The following SPTY2D1 variants were observed in gnomAD, a reference collection of about 807,000 sequenced individuals.
SPTY2D1 encodes SPT2 chromatin protein domain containing 1.
A neutral mutation model predicts 64.0 loss-of-function variants in SPTY2D1; 21 were observed. That is an observed-to-expected ratio of 0.33 (90% CI 0.23 to 0.47). The LOEUF is 0.47. Among genes scored for constraint, SPTY2D1 ranks in the 20% least tolerant of loss-of-function variants. SPTY2D1 has a pLI of 1.00. For synonymous variants in SPTY2D1, 287 were observed against 286.8 expected (o/e 1.00, Z -0.01); for missense variants, 724 against 837.2 (o/e 0.86, Z 1.67).
intron 3 of SPTY2D1, among the ~76,000 whole-genome samples, chr11:18,614,085 A>G (rs1436090407): frequency 6.6e-6 from 1 of 152,218 alleles, no homozygotes; most frequent in Non-Finnish European, 1.5e-5. Flanking sequence ...GGGTGAACAC[A>G]GAGATCCTAG....
At chr11:18,623,146 T>C (rs1213105993) in intron 1 of SPTY2D1, among the ~76,000 whole-genome samples, 3 of 152,188 alleles carry the variant, frequency 2.0e-5, no homozygotes, top group Non-Finnish European at 4.4e-5. Context: ...GCTATGTTCA[T>C]CTGCAGGTTT....
At chr11:18,618,697 A>T (rs546197210) in intron 1 of SPTY2D1, among the ~76,000 whole-genome samples, 1 of 152,366 alleles carries the variant, frequency 6.6e-6, no homozygotes, top group African/African-American at 2.4e-5. Context: ...ACAACTTAGG[A>T]ACCAAAAAAG....
Position 18,607,393 on chromosome 11 carries a change from C to A in SPTY2D1, c.*2468G>T, listed in dbSNP as rs1460384250. Reference sequence around the variant, plus strand: ...CCATGAGTTTTATGAAAACTACTTTCCTTTCACATCATTTGTTAGAGAATG... The same window carrying A: ...CCATGAGTTTTATGAAAACTACTTTACTTTCACATCATTTGTTAGAGAATG... On this transcript the variant is annotated 3_prime_UTR_variant, in exon 6 of 6. Transcript: ENST00000336349. The A allele has an allele frequency of 6.6e-6, 1 of 152,544 alleles. No individual in the cohort carries two copies. The highest frequency in any genetic ancestry group is 6.5e-5 in the Admixed American group (1 of 15,274). The allele number at this position is 152,544 out of a possible 1,614,324, so 9.4% of individuals were successfully genotyped here. A position where few individuals can be genotyped will look rare whatever the true frequency, so the allele number is the denominator to read the frequency against.
intron 1 of SPTY2D1, among the ~76,000 whole-genome samples, chr11:18,630,468 G>A (rs1466260115): frequency 2.0e-5 from 3 of 152,102 alleles, no homozygotes; most frequent in Non-Finnish European, 4.4e-5. Flanking sequence ...AACGAGACTC[G>A]TCTCAAAATA....
intron 5 of SPTY2D1, among the ~76,000 whole-genome samples, chr11:18,610,667 T>TAAAAAAAAA (rs58363516): frequency 2.1e-5 from 2 of 96,708 alleles, no homozygotes; most frequent in Non-Finnish European, 4.2e-5. Context: ...CCCTGTCTCT[T>TAAAAAAAAA]AAAAAAAAAA....
intron 1 of SPTY2D1, among the ~76,000 whole-genome samples, chr11:18,630,925 G>A (rs564810309): frequency 3.4e-4 from 51 of 152,142 alleles, no homozygotes; most frequent in African/African-American, 1.1e-3. Flanking sequence ...TGCAACCTCC[G>A]CCTCTCAAGT....
In SPTY2D1 at chr11:18,633,962, C is replaced by T. The variant is rs188893667; in HGVS notation, c.60+236G>A. ...GCTACAACACCCAAACCGCAAAGTC[C>T]CTGTTGCAGGGGTAAATAAGCCGGC... is the stretch of plus-strand genomic sequence containing the variant. On this transcript the variant is annotated intron_variant, in intron 1 of 5. Transcript: ENST00000336349. 4.8e-3 allele frequency among the ~76,000 whole-genome samples: 726 copies of T among 152,310 alleles called. 6 individuals carry two copies. Among genetic ancestry groups the T allele is most frequent in the African/African-American group, 0.017 (701 of 41,560 alleles).
chr11:18,616,024 C>T lies in SPTY2D1; in HGVS notation c.250G>A (p.Ala84Thr). The stretch of plus-strand genomic sequence containing the variant: ...TTATCCTTTGTCCTCTTGGCCATAG[C>T]TCTTGCTTTCTTGTCATGTTTGAGC... ...IELKHDKKAR[A>T]MAKRTKDNFH... Residue 84 changes from alanine (A) to threonine (T), a missense_variant, in exon 3 of 6, where the codon GCT (alanine) becomes ACT (threonine). Ala to Thr is a moderately conservative substitution (Grantham distance 58). Around this residue, in one of 3 missense-constraint regions of SPTY2D1, gnomAD observed 179 missense variants for 232.5 expected, o/e 0.77. Coordinates refer to ENST00000336349, the MANE Select transcript of SPTY2D1 (RefSeq NM_194285.3). 1 of 1,614,108 alleles carries T rather than the reference C, an allele frequency of 6.2e-7. No individual in the cohort carries two copies. The highest frequency in any genetic ancestry group is 8.5e-7 in the Non-Finnish European group (1 of 1,179,994).
Position 18,627,992 on chromosome 11 carries a change from G to A in SPTY2D1, c.60+6206C>T, listed in dbSNP as rs140682457. On this transcript the variant is annotated intron_variant, in intron 1 of 5. Transcript: ENST00000336349. The stretch of plus-strand genomic sequence containing the variant: ...GAACCTAGGAGGCAGAGGTTGCAGT[G>A]AGCTGAAGTGGCATCACTGGACTCC... 1.1e-4 allele frequency among the ~76,000 whole-genome samples: 16 copies of A among 152,318 alleles called. No individual in the cohort carries two copies. In the East Asian group the frequency reaches 3.1e-3, roughly 29 times the overall value.
chr11:18,612,619 G>A lies in SPTY2D1; in HGVS notation c.1712-131C>T, dbSNP rs1341606981. ...CAGAGCAAGCAGGCTGGCCCTTAGC[G>A]CAGAGCCATCATCCTTGCTGTGTCA... On this transcript the variant is annotated intron_variant, in intron 3 of 5. Coordinates refer to ENST00000336349, the MANE Select transcript of SPTY2D1 (RefSeq NM_194285.3). This position sits in a 1 kb window ranked among gnomAD's most constrained non-coding sequence, Gnocchi z 4.6. 2.5e-5 allele frequency: 17 copies of A among 683,944 alleles called. No individual in the cohort carries two copies. Among genetic ancestry groups the A allele is most frequent in the African/African-American group, 7.3e-5 (4 of 54,634 alleles). 42.4% of individuals were successfully genotyped at this position (683,944 alleles called of 1,614,324 possible).
At chr11:18,629,255 C>T (rs187857155) in intron 1 of SPTY2D1, among the ~76,000 whole-genome samples, 2 of 152,182 alleles carry the variant, frequency 1.3e-5, no homozygotes, top group African/African-American at 4.8e-5. Context: ...AATTCCAGCA[C>T]TTTGTGAGGC....
intron 2 of SPTY2D1, 60 bp downstream of exon 2, chr11:18,616,815 A>G (rs960029504): frequency 3.2e-6 from 5 of 1,543,026 alleles, no homozygotes; most frequent in Non-Finnish European, 4.5e-6. Context: ...CTGGTTTAGT[A>G]CAAGCTAGAT....
chr11:18,624,969 A>G (rs1854472508), intron 1 of SPTY2D1, among the ~76,000 whole-genome samples: 2 of 152,238 alleles, frequency 1.3e-5, no homozygotes, highest in Admixed American at 6.5e-5. Context: ...ATTGCACTCC[A>G]GCCTGGGCGA....
At position 18,606,630 on chromosome 11, in the gene SPTY2D1, T is replaced by A; in HGVS notation, c.*3231A>T. 2.7e-6 allele frequency: 1 copy of A among 371,062 alleles called. No homozygotes were observed. Among genetic ancestry groups the A allele is most frequent in the Non-Finnish European group, 5.1e-6 (1 of 197,092 alleles). The allele number at this position is 371,062 out of a possible 1,614,324, so 23.0% of individuals were successfully genotyped here. A position where few individuals can be genotyped will look rare whatever the true frequency, so the allele number is the denominator to read the frequency against. ...CTTAATCATACACTAAACGTCTGAA[T>A]ATTTAATCACATCCACTCAGAAAAT... On this transcript the variant is annotated 3_prime_UTR_variant, in exon 6 of 6. Coordinates refer to ENST00000336349, the MANE Select transcript of SPTY2D1 (RefSeq NM_194285.3).
chr11:18,631,083 C>A (rs1854579415), intron 1 of SPTY2D1, among the ~76,000 whole-genome samples: 3 of 152,286 alleles, frequency 2.0e-5, no homozygotes, highest in African/African-American at 7.2e-5. Flanking sequence ...AGGTGATCTG[C>A]CCACCTTGGC....
chr11:18,612,892 G>C lies in SPTY2D1; in HGVS notation c.1712-404C>G, dbSNP rs1483314742. Among the ~76,000 whole-genome samples the C allele has an allele frequency of 6.6e-6, 1 of 151,832 alleles. No homozygotes were observed. The highest frequency in any genetic ancestry group is 1.5e-5 in the Non-Finnish European group (1 of 67,998). On this transcript the variant is annotated intron_variant, in intron 3 of 5. Coordinates refer to ENST00000336349, the MANE Select transcript of SPTY2D1 (RefSeq NM_194285.3). The surrounding 1 kb of genome is among the most constrained non-coding windows in gnomAD (Gnocchi z 4.6). The stretch of plus-strand genomic sequence containing the variant: ...CAATTCTCCTGCCTCAGCCTCCCGA[G>C]TAGCTGGGATTATAGGCATGTGCCA...
intron 2 of SPTY2D1, among the ~76,000 whole-genome samples, 170 bp from the exon 3 acceptor site, chr11:18,616,268 A>G (rs1854298933): frequency 6.6e-6 from 1 of 152,204 alleles, no homozygotes; most frequent in African/African-American, 2.4e-5. Flanking sequence ...AGTGGGAGAC[A>G]TATGGGTTTT....
At chr11:18,619,774 A>T (rs1181629751) in intron 1 of SPTY2D1, among the ~76,000 whole-genome samples, 1 of 151,902 alleles carries the variant, frequency 6.6e-6, no homozygotes, top group African/African-American at 2.4e-5. Flanking sequence ...AAAAACAAAA[A>T]TTTCCTGTCC....
At chr11:18,624,116 G>A (rs1038240908) in intron 1 of SPTY2D1, among the ~76,000 whole-genome samples, 5 of 151,072 alleles carry the variant, frequency 3.3e-5, no homozygotes, top group Admixed American at 6.6e-5. Flanking sequence ...GGTTGCAATA[G>A]ACCCTGGTAT....
Sources: allele counts gnomAD v4.1 joint callset (sites outside exome capture counted in the v4.1 genomes callset), GRCh38; gene constraint gnomAD v4.1.1; regional missense constraint gnomAD v4.1.1; non-coding constraint Gnocchi (gnomAD v3.1); transcripts MANE v1.5; gene names NCBI Gene and HGNC (gene_info 2026-07-23, HGNC 2026-07-21).